SEZ6: variants seen among roughly 807,000 people sequenced by gnomAD.
The protein encoded by SEZ6 is seizure related 6 homolog.
A neutral mutation model predicts 101.0 loss-of-function variants in SEZ6; 53 were observed. That is an observed-to-expected ratio of 0.52 (90% CI 0.42 to 0.66). The LOEUF is 0.66. Among genes scored for constraint, SEZ6 ranks in the 30% least tolerant of loss-of-function variants. The probability of loss-of-function intolerance (pLI) is 0.00; values close to 1 mark genes in which losing one functional copy is unlikely to be tolerated. For synonymous variants in SEZ6, 488 were observed against 512.2 expected (o/e 0.95, Z 0.64); for missense variants, 1,102 against 1,289.4 (o/e 0.85, Z 2.23).
In SEZ6 at chr17:28,956,196, A is replaced by G. The variant is rs764494615; in HGVS notation, c.2915T>C (p.Ile972Thr). 153 of 768,248 alleles carry G rather than the reference A, an allele frequency of 2.0e-4. 4 individuals carry two copies. The highest frequency in any genetic ancestry group is 1.5e-3 in the South Asian group (112 of 74,430). The allele number at this position is 768,248 out of a possible 1,614,324, so 47.6% of individuals were successfully genotyped here. A position where few individuals can be genotyped will look rare whatever the true frequency, so the allele number is the denominator to read the frequency against. The change falls in exon 16 of 17, where the codon ATA (isoleucine) becomes ACA (threonine). Residue 972 changes from isoleucine (I) to threonine (T), a missense_variant. Ile to Thr is a moderately conservative substitution (Grantham distance 89). Transcript: ENST00000317338. ...AGTTGGATTGTCAAACGCTGACTCT[A>G]TGGTAATGCGGTTGTAGGGGCGGGG... The part of the protein sequence containing the change: ...PRPRPYNRIT[I>T]ESAFDNPTYE...
At chr17:28,987,785 A>G (rs2041403389) in intron 1 of SEZ6, among the ~76,000 whole-genome samples, 1 of 152,106 alleles carries the variant, frequency 6.6e-6, no homozygotes, top group African/African-American at 2.4e-5. Context: ...GAGGTTTGGG[A>G]CATTATCCCA....
intron 5 of SEZ6, among the ~76,000 whole-genome samples, chr17:28,962,907 G>A (rs1345382452): frequency 2.0e-5 from 3 of 151,796 alleles, no homozygotes; most frequent in African/African-American, 7.3e-5. Flanking sequence ...GGTGGATCAC[G>A]AGGTCAGGAG....
intron 1 of SEZ6, among the ~76,000 whole-genome samples, chr17:28,995,310 A>G (rs1384883983): frequency 6.7e-6 from 1 of 150,290 alleles, no homozygotes; most frequent in Non-Finnish European, 1.5e-5. Flanking sequence ...GTGTGTGAGC[A>G]TATTTGTTTG....
rs188988656 is a variant in SEZ6, at chr17:28,964,190, G to T, written c.1055-43C>A. On this transcript the variant is annotated intron_variant, in intron 4 of 16. Coordinates refer to ENST00000317338, the MANE Select transcript of SEZ6 (RefSeq NM_178860.5). ...GTGACACTGTGTATGTGTGCAGGGT[G>T]GGGGCGGGAGCTGGGCCATTGGTTG... is the stretch of plus-strand genomic sequence containing the variant. 7.4e-6 allele frequency: 11 copies of T among 1,490,892 alleles called. No homozygotes were observed. The East Asian group carries it at 1.2e-4, about 17-fold the overall frequency. The allele number at this position is 1,490,892 out of a possible 1,614,324, so 92.4% of individuals were successfully genotyped here. A position where few individuals can be genotyped will look rare whatever the true frequency, so the allele number is the denominator to read the frequency against.
rs573480503 is a variant in SEZ6, at chr17:28,959,852, G to A, written c.1617C>T (p.Tyr539=). The change falls in exon 8 of 17, where the codon TAC becomes TAT. Residue 539 remains tyrosine (Y), a synonymous_variant. Coordinates refer to ENST00000317338, the MANE Select transcript of SEZ6 (RefSeq NM_178860.5). This position sits in a 1 kb window ranked among gnomAD's most constrained non-coding sequence, Gnocchi z 4.4. The stretch of plus-strand genomic sequence containing the variant: ...TGGGTGTGCTGCTGCTGAAGTTACC[G>A]TATTTGACAAAGGGCTCATAGCAAT... ...QGHCYEPFVK[Y]GNFSSSTPTY... is the part of the protein sequence containing the mutation. The A allele has an allele frequency of 4.9e-5, 79 of 1,613,326 alleles. No individual in the cohort carries two copies. The African/African-American group carries it at 6.5e-4, about 13-fold the overall frequency.
intron 1 of SEZ6, among the ~76,000 whole-genome samples, chr17:28,997,227 G>T (rs536066350): frequency 1.3e-5 from 2 of 152,126 alleles, no homozygotes; most frequent in African/African-American, 4.8e-5. Flanking sequence ...TCGTGCATGC[G>T]TTGTTTGATC....
At chr17:28,960,179 A>G (rs1424229209) in intron 7 of SEZ6, 1 of 570,460 alleles carries the variant, frequency 1.8e-6, no homozygotes, top group East Asian at 3.0e-5. Flanking sequence ...TAATCAATGC[A>G]TGCATGCATA....
rs1222484942 is a variant in SEZ6, at chr17:28,981,680, G to T, written c.415C>A (p.Pro139Thr). 2.5e-6 allele frequency: 4 copies of T among 1,578,120 alleles called. No homozygotes were observed. The Admixed American group carries it at 6.9e-5, about 27-fold the overall frequency. ...GGGGACTCTGACTCCGGACTCCAGG[G>T]TCCCTCCTTGGACTGGGGCTGAGTG... ...VPTQPQSKEG[P>T]WSPESESPML... The change falls in exon 2 of 17, where the codon CCC (proline) becomes ACC (threonine). Residue 139 changes from proline (P) to threonine (T), a missense_variant. Pro to Thr is a conservative substitution (Grantham distance 38, BLOSUM62 -1). Transcript: ENST00000317338.
chr17:29,004,263 A>G (rs958415327), intron 1 of SEZ6, among the ~76,000 whole-genome samples: 2 of 152,188 alleles, frequency 1.3e-5, no homozygotes, highest in Non-Finnish European at 2.9e-5. Flanking sequence ...CCTGCGCCCC[A>G]GGGGAGCTGT....
chr17:28,957,500 C>T lies in SEZ6; in HGVS notation c.2342G>A (p.Arg781Gln), dbSNP rs1164253418. The change falls in exon 12 of 17, where the codon CGA (arginine) becomes CAA (glutamine). Residue 781 changes from arginine to glutamine, a missense_variant. This residue lies in a region of SEZ6 where 556 missense variants were observed against 735.1 expected (regional missense o/e 0.76). Coordinates refer to ENST00000317338, the MANE Select transcript of SEZ6 (RefSeq NM_178860.5). ...CHDPGDVEHS[R>Q]RLISSPKFPV... ...AAACTTGGGGCTGGATATGAGGCGT[C>T]GGCTGTGCTCCACATCTCCAGGATC... is the stretch of plus-strand genomic sequence containing the variant. 28 of 1,613,738 alleles carry T rather than the reference C, an allele frequency of 1.7e-5. No homozygotes were observed. In the East Asian group the frequency reaches 3.1e-4, roughly 18 times the overall value.
intron 5 of SEZ6, among the ~76,000 whole-genome samples, chr17:28,963,223 C>A (rs2041013584): frequency 6.6e-6 from 1 of 152,178 alleles, no homozygotes; most frequent in Admixed American, 6.5e-5. Context: ...TGGCAGCAAT[C>A]CCAGACCTGA....
intron 1 of SEZ6, among the ~76,000 whole-genome samples, chr17:28,997,580 C>T (rs928290999): frequency 1.3e-5 from 2 of 152,186 alleles, no homozygotes; most frequent in Non-Finnish European, 2.9e-5. Flanking sequence ...CAGCTCTGGA[C>T]TCCTGGGTTG....
intron 3 of SEZ6, among the ~76,000 whole-genome samples, chr17:28,970,812 T>C (rs1340789307): frequency 6.6e-6 from 1 of 152,194 alleles, no homozygotes; most frequent in Non-Finnish European, 1.5e-5. Flanking sequence ...GTGAAGCCGA[T>C]AATATGTAGT....
At chr17:28,956,677 A>G in intron 14 of SEZ6, 42 bp downstream of exon 14, 1 of 1,553,564 alleles carries the variant, frequency 6.4e-7, no homozygotes, top group African/African-American at 1.4e-5. Flanking sequence ...GAGAACCAGG[A>G]CCAGGGAGAC....
Position 28,960,826 on chromosome 17 carries a change from G to A in SEZ6, c.1388C>T (p.Ser463Phe), listed in dbSNP as rs1450562491. The change falls in exon 6 of 17, where the codon TCC (serine) becomes TTC (phenylalanine). Residue 463 changes from serine (S) to phenylalanine (F), a missense_variant. Ser to Phe is a radical substitution (Grantham distance 155). Transcript: ENST00000317338. ...QRLHLHFEKV[S>F]LAEDDDRLII... ...TCACCTGTCATCATCCTCTGCCAGG[G>A]AAACCTTCTCAAAGTGCAGGTGTAG... The A allele has an allele frequency of 6.2e-7, 1 of 1,613,770 alleles. No homozygotes were observed. The highest frequency in any genetic ancestry group is 1.7e-5 in the Admixed American group (1 of 59,992).
intron 5 of SEZ6, among the ~76,000 whole-genome samples, chr17:28,962,865 C>T (rs1402961301): frequency 2.0e-5 from 3 of 151,908 alleles, no homozygotes; most frequent in Non-Finnish European, 4.4e-5. Flanking sequence ...TGGCTCACGC[C>T]TGTAATCCCA....
In SEZ6 at chr17:29,006,003, C is replaced by T. The variant is rs1426385973; in HGVS notation, c.-134G>A. On this transcript the variant is annotated 5_prime_UTR_variant, in exon 1 of 17. Coordinates refer to ENST00000317338, the MANE Select transcript of SEZ6 (RefSeq NM_178860.5). Reference sequence around the variant, plus strand: ...GGGCCGCAGCCGTCACCGCCGCTGCCGCCGCCAGCGCCTGACAGAATCAGC... The same window carrying T: ...GGGCCGCAGCCGTCACCGCCGCTGCTGCCGCCAGCGCCTGACAGAATCAGC... 4 of 664,772 alleles carry T rather than the reference C, an allele frequency of 6.0e-6. No individual in the cohort carries two copies. Among genetic ancestry groups the T allele is most frequent in the Non-Finnish European group, 8.3e-6 (4 of 480,366 alleles). 41.2% of individuals were successfully genotyped at this position (664,772 alleles called of 1,614,324 possible).
Position 28,982,248 on chromosome 17 carries a change from C to T in SEZ6, c.56-209G>A, listed in dbSNP as rs560706975. Among the ~76,000 whole-genome samples, 137 of 152,294 alleles carry T rather than the reference C, an allele frequency of 9.0e-4. 1 individual carries two copies. Among genetic ancestry groups the T allele is most frequent in the Middle Eastern group, 3.4e-3 (1 of 294 alleles). The stretch of plus-strand genomic sequence containing the variant: ...GGGTGGCACATGAGATACTCTTTCT[C>T]CTCCAGCACCAGAGGCAGGCATTTC... On this transcript the variant is annotated intron_variant, in intron 1 of 16. Coordinates refer to ENST00000317338, the MANE Select transcript of SEZ6 (RefSeq NM_178860.5).
intron 1 of SEZ6, among the ~76,000 whole-genome samples, chr17:29,004,992 C>A (rs568902188): frequency 3.7e-4 from 56 of 152,164 alleles, no homozygotes; most frequent in Non-Finnish European, 7.2e-4. Flanking sequence ...AACAGGTCCT[C>A]CAGAGACAAA....
Sources: allele counts gnomAD v4.1 joint callset (sites outside exome capture counted in the v4.1 genomes callset), GRCh38; gene constraint gnomAD v4.1.1; regional missense constraint gnomAD v4.1.1; non-coding constraint Gnocchi (gnomAD v3.1); transcripts MANE v1.5; gene names NCBI Gene and HGNC (gene_info 2026-07-23, HGNC 2026-07-21).